The following PSAT1 variants were observed in gnomAD, a reference collection of about 807,000 sequenced individuals.
PSAT1 encodes phosphoserine aminotransferase.
PSAT1 carries 41 observed loss-of-function variants against 40.3 expected under a neutral mutation model. The observed-to-expected ratio is 1.02, with a 90% CI of 0.79 to 1.32. The LOEUF (loss-of-function observed/expected upper bound fraction) is 1.32, where lower values mean the gene tolerates loss of function less well. Ranked by LOEUF, PSAT1 falls within the 40% of genes most tolerant of loss-of-function variation. PSAT1 has a pLI of 0.00. For synonymous variants in PSAT1, 147 were observed against 170.5 expected (o/e 0.86, Z 1.07); for missense variants, 406 against 455.8 (o/e 0.89, Z 0.99).
intron 6 of PSAT1, among the ~76,000 whole-genome samples, chr9:78,314,571 G>T (rs756653175): frequency 2.2e-4 from 33 of 152,308 alleles, no homozygotes; most frequent in Non-Finnish European, 2.5e-4. Flanking sequence ...CTTCAGGACA[G>T]CTTGCTTGCT....
intron 7 of PSAT1, among the ~76,000 whole-genome samples, chr9:78,326,250 G>T (rs373794835): frequency 6.6e-6 from 1 of 152,114 alleles, no homozygotes; most frequent in Admixed American, 6.5e-5. Flanking sequence ...AATTCCACCC[G>T]TAGAAGTGTA....
At chr9:78,300,576 C>G (rs781346626) in intron 1 of PSAT1, 26 bp from the exon 2 acceptor site, 1 of 1,604,872 alleles carries the variant, frequency 6.2e-7, no homozygotes, top group Admixed American at 1.7e-5. Context: ...ATTTAAATAA[C>G]CCTATTTTCC....
intron 6 of PSAT1, among the ~76,000 whole-genome samples, chr9:78,312,780 C>T (rs1828286735): frequency 6.6e-6 from 1 of 152,162 alleles, no homozygotes; most frequent in South Asian, 2.1e-4. Context: ...CTTCACTGGT[C>T]CCAGACTACC....
chr9:78,314,854 G>T (rs1236691116), intron 6 of PSAT1, among the ~76,000 whole-genome samples: 3 of 151,960 alleles, frequency 2.0e-5, no homozygotes, highest in African/African-American at 7.2e-5. Flanking sequence ...AAGGGCCCAT[G>T]TCAGCTTTGA....
Position 78,329,290 on chromosome 9 carries a change from A to T in PSAT1, c.*204A>T. ...TAATGTCACCTTAATTCTGACTTGA[A>T]CTGGAAGCATTTTAAGAAATCTTGT... On this transcript the variant is annotated 3_prime_UTR_variant, in exon 9 of 9. Coordinates refer to ENST00000376588, the MANE Select transcript of PSAT1 (RefSeq NM_058179.4). The T allele has an allele frequency of 1.8e-6, 1 of 553,826 alleles. No homozygotes were observed. Among genetic ancestry groups the T allele is most frequent in the African/African-American group, 1.9e-5 (1 of 53,040 alleles). 34.3% of individuals were successfully genotyped at this position (553,826 alleles called of 1,614,324 possible). A position where few individuals can be genotyped will look rare whatever the true frequency, so the allele number is the denominator to read the frequency against.
intron 3 of PSAT1, among the ~76,000 whole-genome samples, chr9:78,303,507 CT>C (rs139285696): frequency 0.016 from 2,445 of 152,258 alleles, 36 homozygotes; most frequent in South Asian, 0.033. Flanking sequence ...TGGTTCCCAC[CT>C]TGTATACCTG....
In PSAT1 at chr9:78,328,846, G is replaced by A. The variant is rs150027744; in HGVS notation, c.1008-135G>A. On this transcript the variant is annotated intron_variant, in intron 8 of 8. Transcript: ENST00000376588. ...CGTGTGAAGCTCTGTGCCAGGTGTC[G>A]GGAGTTTTTAGGTAGGAGACCGGAA... 375 of 726,788 alleles carry A rather than the reference G, an allele frequency of 5.2e-4. No homozygotes were observed. The African/African-American group carries it at 6.0e-3, about 12-fold the overall frequency. 45.0% of individuals were successfully genotyped at this position (726,788 alleles called of 1,614,324 possible).
chr9:78,301,935 T>C lies in PSAT1; in HGVS notation c.122-19T>C. 2 of 1,578,918 alleles carry C rather than the reference T, an allele frequency of 1.3e-6. No homozygotes were observed. Among genetic ancestry groups the C allele is most frequent in the Non-Finnish European group, 1.7e-6 (2 of 1,148,112 alleles). ...TGAGCTGGAATATTTGTTATTGTTG[T>C]TTATCTTTCCTTTCACAGAAATGAG... On this transcript the variant is annotated intron_variant, in intron 2 of 8. Transcript: ENST00000376588.
At chr9:78,315,100 C>T (rs1265537951) in intron 6 of PSAT1, among the ~76,000 whole-genome samples, 1 of 152,286 alleles carries the variant, frequency 6.6e-6, no homozygotes, top group East Asian at 1.9e-4. Context: ...CTGGAATGCA[C>T]ACCCACGTGC....
At position 78,329,274 on chromosome 9, in the gene PSAT1, C is replaced by T. The variant is rs1268679273; in HGVS notation, c.*188C>T. On this transcript the variant is annotated 3_prime_UTR_variant, in exon 9 of 9. Transcript: ENST00000376588. ...TAAAGCTGGTGGGACCTAATGTCAC[C>T]TTAATTCTGACTTGAACTGGAAGCA... 1.0e-5 allele frequency: 6 copies of T among 583,106 alleles called. No individual in the cohort carries two copies. Among genetic ancestry groups the T allele is most frequent in the African/African-American group, 7.4e-5 (4 of 53,704 alleles). The allele number at this position is 583,106 out of a possible 1,614,324, so 36.1% of individuals were successfully genotyped here. A position where few individuals can be genotyped will look rare whatever the true frequency, so the allele number is the denominator to read the frequency against.
chr9:78,317,230 C>T (rs562750041), intron 6 of PSAT1, among the ~76,000 whole-genome samples: 2 of 151,348 alleles, frequency 1.3e-5, no homozygotes, highest in Non-Finnish European at 2.9e-5. Flanking sequence ...TCACATGGGC[C>T]CTGCTTTTGT....
intron 6 of PSAT1, among the ~76,000 whole-genome samples, chr9:78,312,463 A>C (rs1014763939): frequency 1.3e-5 from 2 of 151,906 alleles, no homozygotes; most frequent in African/African-American, 2.4e-5. Context: ...TGGGAGGTCG[A>C]GGCAGGTGGA....
At chr9:78,312,702 T>A (rs924166752) in intron 6 of PSAT1, among the ~76,000 whole-genome samples, 7 of 151,632 alleles carry the variant, frequency 4.6e-5, no homozygotes. Flanking sequence ...ATCTCAAAAA[T>A]AATAATAATA....
At chr9:78,308,617 A>AG (rs1828220858) in intron 6 of PSAT1, 34 bp downstream of exon 6, 1 of 1,610,118 alleles carries the variant, frequency 6.2e-7, no homozygotes, top group Non-Finnish European at 8.5e-7. Context: ...GGACCCAGGG[A>AG]GGGGTCTCAC....
chr9:78,308,918 G>GCACT (rs201850782), intron 6 of PSAT1, among the ~76,000 whole-genome samples: 1,823 of 152,242 alleles, frequency 0.012, 34 homozygotes, highest in African/African-American at 0.041. Context: ...TGGCACCATT[G>GCACT]CACTCCAGCC....
At chr9:78,299,798 A>G (rs1828081974) in intron 1 of PSAT1, among the ~76,000 whole-genome samples, 2 of 152,114 alleles carry the variant, frequency 1.3e-5, no homozygotes, top group South Asian at 4.1e-4. Flanking sequence ...GGCGTGAGCC[A>G]CCACGCCCGG....
At chr9:78,299,105 A>G (rs1487886056) in intron 1 of PSAT1, among the ~76,000 whole-genome samples, 1 of 129,378 alleles carries the variant, frequency 7.7e-6, no homozygotes, top group Non-Finnish European at 1.6e-5. Context: ...GTCCCACTGC[A>G]TTCCAGGCTG....
At chr9:78,317,451 A>G (rs146018960) in intron 6 of PSAT1, among the ~76,000 whole-genome samples, 2 of 152,078 alleles carry the variant, frequency 1.3e-5, no homozygotes, top group African/African-American at 2.4e-5. Context: ...GGGTCTTGCT[A>G]TGTTGCCTAG....
chr9:78,299,649 A>G (rs1477009974), intron 1 of PSAT1, among the ~76,000 whole-genome samples: 1 of 150,112 alleles, frequency 6.7e-6, no homozygotes, highest in Admixed American at 6.7e-5. Flanking sequence ...AGTAACTGGG[A>G]TTACAGGCAC....
Sources: gnomAD v4.1 joint callset for allele counts (sites outside exome capture counted in the v4.1 genomes callset) on GRCh38, gnomAD v4.1.1 for gene constraint, MANE v1.5 for transcripts, NCBI Gene and HGNC (gene_info 2026-07-23, HGNC 2026-07-21) for gene names.